ST6GALNAC3: variants seen among roughly 807,000 people sequenced by gnomAD.
ST6GALNAC3 encodes alpha-N-acetylgalactosaminide alpha-2,6-sialyltransferase 3.
A neutral mutation model predicts 32.7 loss-of-function variants in ST6GALNAC3; 25 were observed. The ratio of observed to expected loss-of-function variants is 0.76; its 90% confidence interval spans 0.56 to 1.07. ST6GALNAC3 has a LOEUF of 1.07. Ranked by LOEUF, ST6GALNAC3 falls within the 50% of genes least tolerant of loss-of-function variation. The pLI, the probability that ST6GALNAC3 is intolerant of heterozygous loss-of-function variation, is 0.00. For missense variants in ST6GALNAC3, 355 were observed against 382.4 expected, an observed-to-expected ratio of 0.93 and a Z score of 0.60; for synonymous variants, 129 against 133.1, an observed-to-expected ratio of 0.97 and a Z score of 0.21.
intron 1 of ST6GALNAC3, among the ~76,000 whole-genome samples, chr1:76,231,657 G>A (rs1200957321): frequency 6.6e-6 from 1 of 152,162 alleles, no homozygotes; most frequent in East Asian, 1.9e-4. Context: ...CCATGTTGTA[G>A]CATATATCAG....
At chr1:76,516,298 A>G (rs1338986711) in intron 3 of ST6GALNAC3, among the ~76,000 whole-genome samples, 1 of 152,164 alleles carries the variant, frequency 6.6e-6, no homozygotes, top group Non-Finnish European at 1.5e-5. Context: ...ACATACATGT[A>G]TGTGTGTATA....
chr1:76,289,080 C>T (rs982880317), intron 1 of ST6GALNAC3, among the ~76,000 whole-genome samples: 3 of 152,186 alleles, frequency 2.0e-5, no homozygotes, highest in African/African-American at 7.2e-5. Context: ...TTGTTCTTTC[C>T]TCCCACTTGT....
intron 1 of ST6GALNAC3, among the ~76,000 whole-genome samples, chr1:76,125,790 C>T (rs1405904719): frequency 6.6e-6 from 1 of 152,148 alleles, no homozygotes; most frequent in Non-Finnish European, 1.5e-5. Flanking sequence ...TTCTTTAACA[C>T]CAGATCTCCT....
At chr1:76,541,675 T>G (rs1664000460) in intron 3 of ST6GALNAC3, among the ~76,000 whole-genome samples, 1 of 152,186 alleles carries the variant, frequency 6.6e-6, no homozygotes, top group Admixed American at 6.5e-5. Context: ...ACTGCACTAA[T>G]ATGCACCCTG....
chr1:76,546,830 G>A (rs1227108799), intron 3 of ST6GALNAC3, among the ~76,000 whole-genome samples: 1 of 152,216 alleles, frequency 6.6e-6, no homozygotes, highest in African/African-American at 2.4e-5. Flanking sequence ...TTGTAGCTGA[G>A]CAGCACCTGG....
At chr1:76,451,037 C>A (rs1275539657) in intron 3 of ST6GALNAC3, among the ~76,000 whole-genome samples, 1 of 152,104 alleles carries the variant, frequency 6.6e-6, no homozygotes, top group Non-Finnish European at 1.5e-5. Context: ...TGAAAGGCTC[C>A]TTTTGGGTTC....
chr1:76,214,747 A>G (rs1433484975), intron 1 of ST6GALNAC3, among the ~76,000 whole-genome samples: 1 of 152,218 alleles, frequency 6.6e-6, no homozygotes, highest in African/African-American at 2.4e-5. Flanking sequence ...AGTTTTCATC[A>G]AGTTAAATTA....
intron 3 of ST6GALNAC3, among the ~76,000 whole-genome samples, chr1:76,457,530 A>G (rs934180094): frequency 6.6e-6 from 1 of 151,014 alleles, no homozygotes; most frequent in African/African-American, 2.4e-5. Flanking sequence ...TGGTACCAAA[A>G]CAGAGATATA....
rs960398109 is a variant in ST6GALNAC3 at position 76,251,936 on chromosome 1, G to T, written c.19-61869G>T. On this transcript the variant is annotated intron_variant, in intron 1 of 4. Transcript: ENST00000328299. ...GGAAGGAATTTGCTGAACTAATTAT[G>T]ATTAAAACTATGATTAAATCTCACC... Among the ~76,000 whole-genome samples, 3 of 152,130 alleles carry T rather than the reference G, an allele frequency of 2.0e-5. No individual in the cohort carries two copies. In the East Asian group the frequency reaches 5.8e-4, roughly 29 times the overall value.
At chr1:76,550,837 C>A (rs1570233039) in intron 3 of ST6GALNAC3, among the ~76,000 whole-genome samples, 1 of 152,126 alleles carries the variant, frequency 6.6e-6, no homozygotes, top group Non-Finnish European at 1.5e-5. Flanking sequence ...TTCACTGCAA[C>A]CTCTGCCTCC....
chr1:76,147,312 C>T (rs1415536828), intron 1 of ST6GALNAC3, among the ~76,000 whole-genome samples: 1 of 152,184 alleles, frequency 6.6e-6, no homozygotes, highest in Non-Finnish European at 1.5e-5. Flanking sequence ...ATCCAACTGC[C>T]TCAGCCTCCC....
intron 3 of ST6GALNAC3, among the ~76,000 whole-genome samples, chr1:76,594,607 T>TTAGC (rs954550341): frequency 6.6e-6 from 1 of 152,144 alleles, no homozygotes; most frequent in Non-Finnish European, 1.5e-5. Flanking sequence ...GATGCATAGA[T>TTAGC]TAGCTAGCTA....
intron 2 of ST6GALNAC3, among the ~76,000 whole-genome samples, chr1:76,391,530 TC>T (rs1557847673): frequency 6.0e-5 from 1 of 16,686 alleles, no homozygotes; most frequent in Admixed American, 6.8e-4. Flanking sequence ...AGACCTTCCT[TC>T]CTTCCTTCCT....
At chr1:76,210,528 A>C (rs1241844082) in intron 1 of ST6GALNAC3, among the ~76,000 whole-genome samples, 2 of 152,132 alleles carry the variant, frequency 1.3e-5, no homozygotes, top group African/African-American at 4.8e-5. Flanking sequence ...CCCTTATATT[A>C]ATCTGGTAGG....
chr1:76,377,874 T>G (rs527567680), intron 2 of ST6GALNAC3, among the ~76,000 whole-genome samples: 1 of 152,324 alleles, frequency 6.6e-6, no homozygotes, highest in African/African-American at 2.4e-5. Context: ...TAACTGAACC[T>G]TTTCTTGAGT....
intron 1 of ST6GALNAC3, among the ~76,000 whole-genome samples, chr1:76,280,726 C>T (rs554722013): frequency 9.2e-5 from 14 of 152,320 alleles, no homozygotes; most frequent in African/African-American, 3.4e-4. Flanking sequence ...GACCTCTTTA[C>T]AAATCTCAGA....
At chr1:76,200,611 A>T (rs1654462511) in intron 1 of ST6GALNAC3, among the ~76,000 whole-genome samples, 1 of 152,178 alleles carries the variant, frequency 6.6e-6, no homozygotes, top group Admixed American at 6.5e-5. Flanking sequence ...TTGTACATAA[A>T]TTAGATAATA....
chr1:76,186,665 G>A (rs1653575365), intron 1 of ST6GALNAC3, among the ~76,000 whole-genome samples: 1 of 152,156 alleles, frequency 6.6e-6, no homozygotes, highest in South Asian at 2.1e-4. Flanking sequence ...GCTGGAGACT[G>A]AGCTGCCTGG....
intron 1 of ST6GALNAC3, among the ~76,000 whole-genome samples, chr1:76,309,283 C>T (rs1444274039): frequency 1.3e-5 from 2 of 151,744 alleles, no homozygotes; most frequent in African/African-American, 4.8e-5. Flanking sequence ...TTTTTCAGCA[C>T]CTAGCCAAGT....
Sources: gnomAD v4.1 joint callset for allele counts (sites outside exome capture counted in the v4.1 genomes callset) on GRCh38, gnomAD v4.1.1 for gene constraint, MANE v1.5 for transcripts, NCBI Gene and HGNC (gene_info 2026-07-23, HGNC 2026-07-21) for gene names.